Variants in NAA15 observed in about 807,000 individuals in gnomAD.
The protein encoded by NAA15 is N-alpha-acetyltransferase 15, NatA auxiliary subunit.
Under a neutral mutation model 114.0 loss-of-function variants are expected in NAA15, and 34 were observed. The observed-to-expected ratio is 0.30, with a 90% CI of 0.23 to 0.40. The LOEUF is 0.40. Among genes scored for constraint, NAA15 ranks in the 10% least tolerant of loss-of-function variants. NAA15 has a pLI of 1.00. For synonymous variants in NAA15, 340 were observed against 338.0 expected (o/e 1.01, Z -0.06); for missense variants, 658 against 1,004.5 (o/e 0.66, Z 4.66).
At position 139,340,993 on chromosome 4, in the gene NAA15, G is replaced by T; in HGVS notation, c.326G>T (p.Trp109Leu). 1 of 1,610,256 alleles carries T rather than the reference G, an allele frequency of 6.2e-7. No homozygotes were observed. The highest frequency in any genetic ancestry group is 1.1e-5 in the South Asian group (1 of 90,042). Residue 109 changes from tryptophan (W) to leucine (L), a missense_variant, in exon 4 of 20, where the codon TGG (tryptophan) becomes TTG (leucine). By Grantham distance (61) the Trp-to-Leu change is moderately conservative (BLOSUM62 -2). Coordinates refer to ENST00000296543, the MANE Select transcript of NAA15 (RefSeq NM_057175.5). ...AAGTGTTACAGAAATGCACTAAAATGGGATAAAGACAATCTTCAAATCTTA... is the reference window on the plus strand; with the variant it reads ...AAGTGTTACAGAAATGCACTAAAATTGGATAAAGACAATCTTCAAATCTTA... ...AIKCYRNALK[W>L]DKDNLQILRD... is the part of the protein sequence containing the mutation.
intron 11 of NAA15, 114 bp downstream of exon 11, chr4:139,357,669 C>T: frequency 1.5e-6 from 1 of 687,486 alleles, no homozygotes; most frequent in Non-Finnish European, 2.4e-6. Context: ...ACTCAAAAAA[C>T]ATGAAGTAAC....
chr4:139,304,730 G>A (rs80211947), intron 1 of NAA15, among the ~76,000 whole-genome samples: 8 of 152,198 alleles, frequency 5.3e-5, no homozygotes, highest in African/African-American at 1.9e-4. Flanking sequence ...TCTATGCAGC[G>A]TTATCCCATG....
At chr4:139,307,555 C>T (rs1288224992) in intron 1 of NAA15, among the ~76,000 whole-genome samples, 1 of 152,234 alleles carries the variant, frequency 6.6e-6, no homozygotes, top group East Asian at 1.9e-4. Flanking sequence ...ATGTGAGCTA[C>T]TGTGCCTGGC....
In NAA15 at chr4:139,341,003, C is replaced by T; in HGVS notation, c.336C>T (p.Asp112=). Residue 112 remains aspartate (D), a synonymous_variant, in exon 4 of 20, where the codon GAC becomes GAT. Coordinates refer to ENST00000296543, the MANE Select transcript of NAA15 (RefSeq NM_057175.5). The stretch of plus-strand genomic sequence containing the variant: ...GAAATGCACTAAAATGGGATAAAGA[C>T]AATCTTCAAATCTTAAGGGACCTTT... The part of the protein sequence containing the change: ...CYRNALKWDK[D]NLQILRDLSL... The T allele has an allele frequency of 6.2e-7, 1 of 1,610,312 alleles. No individual in the cohort carries two copies. Among genetic ancestry groups the T allele is most frequent in the African/African-American group, 1.3e-5 (1 of 74,872 alleles).
At chr4:139,339,782 A>C (rs1747323544) in intron 3 of NAA15, among the ~76,000 whole-genome samples, 1 of 152,028 alleles carries the variant, frequency 6.6e-6, no homozygotes, top group African/African-American at 2.4e-5. Context: ...CAACAACAAA[A>C]AACAACAAAA....
chr4:139,378,003 A>G (rs1274122645), intron 16 of NAA15, among the ~76,000 whole-genome samples: 3 of 152,208 alleles, frequency 2.0e-5, no homozygotes, highest in African/African-American at 7.2e-5. Flanking sequence ...AGTTGTACGA[A>G]ATTGGTAATG....
intron 11 of NAA15, among the ~76,000 whole-genome samples, chr4:139,357,916 T>C (rs1748010479): frequency 6.6e-6 from 1 of 152,182 alleles, no homozygotes; most frequent in South Asian, 2.1e-4. Context: ...CATATCAGTA[T>C]CTGGCAATGT....
At chr4:139,347,782 C>G (rs1747633652) in intron 6 of NAA15, among the ~76,000 whole-genome samples, 1 of 152,092 alleles carries the variant, frequency 6.6e-6, no homozygotes, top group Admixed American at 6.5e-5. Flanking sequence ...CCTGTAATCC[C>G]AGCACTTTGG....
In NAA15 at chr4:139,357,372, C is replaced by T. The variant is rs772647344; in HGVS notation, c.1088-14C>T. On this transcript the variant is annotated splice_polypyrimidine_tract_variant and intron_variant, in intron 10 of 19. Coordinates refer to ENST00000296543, the MANE Select transcript of NAA15 (RefSeq NM_057175.5). ...TAATGCCTCATCTTGGTTTCTTCTCCCTCTTCTCCTAAGATGATGGAAAGG... is the reference window on the plus strand; with the variant it reads ...TAATGCCTCATCTTGGTTTCTTCTCTCTCTTCTCCTAAGATGATGGAAAGG... 1.2e-6 allele frequency: 2 copies of T among 1,612,864 alleles called. No individual in the cohort carries two copies. Among genetic ancestry groups the T allele is most frequent in the South Asian group, 1.1e-5 (1 of 90,872 alleles).
At chr4:139,371,704 G>A (rs1748444846) in intron 15 of NAA15, among the ~76,000 whole-genome samples, 1 of 151,966 alleles carries the variant, frequency 6.6e-6, no homozygotes, top group African/African-American at 2.4e-5. Flanking sequence ...GACCTTTGAG[G>A]CCTCAGAGAA....
At chr4:139,345,054 G>T (rs1747537040) in intron 6 of NAA15, among the ~76,000 whole-genome samples, 1 of 152,196 alleles carries the variant, frequency 6.6e-6, no homozygotes, top group Admixed American at 6.5e-5. Context: ...GTCCTTGCTA[G>T]TCTAGGGAAC....
chr4:139,324,043 C>A (rs1382238006), intron 1 of NAA15, among the ~76,000 whole-genome samples: 4 of 152,070 alleles, frequency 2.6e-5, no homozygotes, highest in Admixed American at 1.3e-4. Context: ...ACCACCAGGC[C>A]CAGCTAATTT....
chr4:139,330,744 A>C (rs1414374058), intron 1 of NAA15, among the ~76,000 whole-genome samples: 2 of 152,152 alleles, frequency 1.3e-5, no homozygotes, highest in African/African-American at 2.4e-5. Flanking sequence ...CTGAGGCAGG[A>C]GGATTGCTGG....
intron 6 of NAA15, among the ~76,000 whole-genome samples, chr4:139,348,317 G>A (rs1388517786): frequency 6.6e-6 from 1 of 152,054 alleles, no homozygotes; most frequent in Admixed American, 6.5e-5. Context: ...ATCCAGGCAT[G>A]GTGGCACATG....
chr4:139,340,631 T>G (rs1560965005), intron 3 of NAA15, among the ~76,000 whole-genome samples: 1 of 152,244 alleles, frequency 6.6e-6, no homozygotes, highest in Non-Finnish European at 1.5e-5. Flanking sequence ...CATAGACTAT[T>G]TGTTTACATT....
chr4:139,352,000 G>T (rs1747794560), intron 9 of NAA15, among the ~76,000 whole-genome samples: 1 of 151,188 alleles, frequency 6.6e-6, no homozygotes. Context: ...TTTAAATTTG[G>T]TAGACAAAAA....
chr4:139,344,738 A>G (rs1211117536), intron 6 of NAA15, among the ~76,000 whole-genome samples: 1 of 152,214 alleles, frequency 6.6e-6, no homozygotes, highest in Non-Finnish European at 1.5e-5. Context: ...TGCTAATAAT[A>G]TATATTGATG....
intron 2 of NAA15, among the ~76,000 whole-genome samples, chr4:139,336,260 T>G (rs1338076008): frequency 6.6e-6 from 1 of 152,212 alleles, no homozygotes; most frequent in Admixed American, 6.5e-5. Context: ...GAGTTTAGTT[T>G]TCCTCTTCTG....
chr4:139,376,942 A>C (rs1489786790), intron 16 of NAA15, among the ~76,000 whole-genome samples: 1 of 152,198 alleles, frequency 6.6e-6, no homozygotes, highest in African/African-American at 2.4e-5. Context: ...AAAACATAGG[A>C]GTGTGTAAAT....
Sources: allele counts gnomAD v4.1 joint callset (sites outside exome capture counted in the v4.1 genomes callset), GRCh38; gene constraint gnomAD v4.1.1; transcripts MANE v1.5; gene names NCBI Gene and HGNC (gene_info 2026-07-23, HGNC 2026-07-21).